Variants in GPC5 observed in about 807,000 individuals in gnomAD.
GPC5 encodes the protein glypican 5.
In GPC5, 47 loss-of-function variants were observed where a neutral mutation model predicts 53.9. That is an observed-to-expected ratio of 0.87 (90% confidence interval 0.69 to 1.11). GPC5 has a LOEUF of 1.11. Among genes scored for constraint, GPC5 ranks in the 50% most tolerant of loss-of-function variants. The pLI, the probability that GPC5 is intolerant of heterozygous loss-of-function variation, is 0.00. For synonymous variants in GPC5, 286 were observed against 263.3 expected, an observed-to-expected ratio of 1.09 and a Z score of -0.84; for missense variants, 748 against 713.1, an observed-to-expected ratio of 1.05 and a Z score of -0.56.
At chr13:91,552,273 T>C (rs1456467198) in intron 2 of GPC5, among the ~76,000 whole-genome samples, 1 of 152,024 alleles carries the variant, frequency 6.6e-6, no homozygotes, top group Non-Finnish European at 1.5e-5. Context: ...TTTGAAAAGC[T>C]TAGGAGTTTA....
chr13:92,582,345 A>G (rs1045873116), intron 7 of GPC5, among the ~76,000 whole-genome samples: 30 of 152,048 alleles, frequency 2.0e-4, no homozygotes, highest in Admixed American at 5.2e-4. Context: ...ATTGAAAATC[A>G]ATTGACCAAA....
chr13:92,414,897 C>T (rs1440518423), intron 7 of GPC5, among the ~76,000 whole-genome samples: 1 of 152,114 alleles, frequency 6.6e-6, no homozygotes, highest in Non-Finnish European at 1.5e-5. Context: ...CCTCCCAAGG[C>T]CCCACCTAAT....
chr13:91,465,828 G>A (rs1224870419), intron 2 of GPC5, among the ~76,000 whole-genome samples: 2 of 151,998 alleles, frequency 1.3e-5, no homozygotes, highest in Non-Finnish European at 2.9e-5. Flanking sequence ...TTTAAATGCT[G>A]CAAATCATTG....
At chr13:91,531,368 G>C (rs1886335478) in intron 2 of GPC5, among the ~76,000 whole-genome samples, 1 of 151,432 alleles carries the variant, frequency 6.6e-6, no homozygotes, top group Admixed American at 6.6e-5. Context: ...GAAGAACATA[G>C]GGGTTTTTTT....
chr13:92,691,529 C>T (rs181306891), intron 7 of GPC5, among the ~76,000 whole-genome samples: 14 of 151,680 alleles, frequency 9.2e-5, no homozygotes, highest in Non-Finnish European at 1.0e-4. Context: ...CCGTCTTCTG[C>T]GTCGCTCACG....
chr13:92,438,671 C>T (rs1877424024), intron 7 of GPC5, among the ~76,000 whole-genome samples: 1 of 151,974 alleles, frequency 6.6e-6, no homozygotes, highest in Non-Finnish European at 1.5e-5. Flanking sequence ...AGACATAATC[C>T]AAATTGTCAA....
intron 7 of GPC5, among the ~76,000 whole-genome samples, chr13:92,512,436 G>A (rs960210582): frequency 1.3e-4 from 20 of 152,054 alleles, no homozygotes; most frequent in African/African-American, 4.8e-4. Context: ...GATAGTATGT[G>A]TGAACATTTC....
chr13:92,613,730 T>A (rs2139102441), intron 7 of GPC5, among the ~76,000 whole-genome samples: 1 of 145,402 alleles, frequency 6.9e-6, no homozygotes, highest in Middle Eastern at 3.5e-3. Context: ...TGGTGGTACA[T>A]GCGTATAGAA....
intron 2 of GPC5, among the ~76,000 whole-genome samples, chr13:91,513,605 A>T (rs1885347514): frequency 6.6e-6 from 1 of 152,086 alleles, no homozygotes; most frequent in Non-Finnish European, 1.5e-5. Context: ...GCCAGGCGTG[A>T]TGACATGTGC....
At chr13:91,469,146 T>C (rs1882439829) in intron 2 of GPC5, among the ~76,000 whole-genome samples, 1 of 152,110 alleles carries the variant, frequency 6.6e-6, no homozygotes, top group Non-Finnish European at 1.5e-5. Context: ...TCTTGCTGTG[T>C]TGCCCAGGCT....
At chr13:92,197,989 T>A (rs1198049763) in intron 7 of GPC5, among the ~76,000 whole-genome samples, 7 of 152,122 alleles carry the variant, frequency 4.6e-5, no homozygotes, top group African/African-American at 1.7e-4. Context: ...TGCCTCAAAG[T>A]CCTTGCACTT....
chr13:92,156,890 G>A (rs1374165939), intron 7 of GPC5, among the ~76,000 whole-genome samples: 5 of 151,834 alleles, frequency 3.3e-5, no homozygotes, highest in African/African-American at 4.8e-5. Context: ...ATATTAAACA[G>A]CAGTGTTTTT....
At chr13:92,542,490 A>T (rs1881963501) in intron 7 of GPC5, among the ~76,000 whole-genome samples, 1 of 151,822 alleles carries the variant, frequency 6.6e-6, no homozygotes, top group South Asian at 2.1e-4. Context: ...GTCATCTCTT[A>T]TCGTTCATCT....
intron 1 of GPC5, among the ~76,000 whole-genome samples, chr13:91,407,693 G>C (rs890006950): frequency 1.3e-5 from 2 of 152,164 alleles, no homozygotes; most frequent in Non-Finnish European, 2.9e-5. Flanking sequence ...TCACTCGTCT[G>C]TGGAACTATT....
intron 4 of GPC5, among the ~76,000 whole-genome samples, chr13:91,729,269 C>T (rs2036643208): frequency 6.6e-6 from 1 of 152,076 alleles, no homozygotes; most frequent in African/African-American, 2.4e-5. Flanking sequence ...TCATATTTCA[C>T]AGGTTAAATT....
intron 7 of GPC5, among the ~76,000 whole-genome samples, chr13:92,232,608 T>C (rs1423826752): frequency 6.6e-6 from 1 of 152,188 alleles, no homozygotes; most frequent in Non-Finnish European, 1.5e-5. Context: ...GATATTCCTC[T>C]AAAAGAAAGT....
At chr13:92,333,367 G>GT (rs1462774935) in intron 7 of GPC5, among the ~76,000 whole-genome samples, 1 of 152,088 alleles carries the variant, frequency 6.6e-6, no homozygotes, top group Non-Finnish European at 1.5e-5. Context: ...ATCCTCTTGG[G>GT]TTTTATCAGA....
At chr13:92,263,004 A>G (rs758250210) in intron 7 of GPC5, among the ~76,000 whole-genome samples, 1 of 152,094 alleles carries the variant, frequency 6.6e-6, no homozygotes, top group Non-Finnish European at 1.5e-5. Context: ...TATTTTATAC[A>G]TTGTCATAAA....
At chr13:92,736,083 TCCA>T (rs1203898655) in intron 7 of GPC5, among the ~76,000 whole-genome samples, 3 of 152,152 alleles carry the variant, frequency 2.0e-5, no homozygotes, top group East Asian at 1.9e-4. Flanking sequence ...CTCTTTACTC[TCCA>T]CCGTCATCCC....
Sources: gnomAD v4.1 joint callset for allele counts (sites outside exome capture counted in the v4.1 genomes callset) on GRCh38, gnomAD v4.1.1 for gene constraint, MANE v1.5 for transcripts, NCBI Gene and HGNC (gene_info 2026-07-23, HGNC 2026-07-21) for gene names.